The following EFCAB14 variants were observed in gnomAD, a reference collection of about 807,000 sequenced individuals.
EFCAB14 encodes the protein EF-hand calcium binding domain 14, also known as EF-hand calcium-binding domain-containing protein 14.
A neutral mutation model predicts 56.5 loss-of-function variants in EFCAB14; 43 were observed. That is an observed-to-expected ratio of 0.76 (90% CI 0.60 to 0.98). The LOEUF (loss-of-function observed/expected upper bound fraction) is 0.98. EFCAB14 is among the 50% of genes least tolerant of loss of function. The probability of loss-of-function intolerance (pLI) is 0.00; values close to 1 mark genes in which losing one functional copy is unlikely to be tolerated. For synonymous variants in EFCAB14, 235 were observed against 212.9 expected, an observed-to-expected ratio of 1.10 and a Z score of -0.90; for missense variants, 538 against 580.3, an observed-to-expected ratio of 0.93 and a Z score of 0.75.
intron 2 of EFCAB14, among the ~76,000 whole-genome samples, chr1:46,709,757 G>A (rs916567299): frequency 1.3e-5 from 2 of 152,206 alleles, no homozygotes; most frequent in East Asian, 1.9e-4. Flanking sequence ...GGAGGCTGAG[G>A]TGGGTGGATC....
At chr1:46,686,683 T>C in intron 8 of EFCAB14, 101 bp downstream of exon 8, 1 of 1,169,818 alleles carries the variant, frequency 8.5e-7, no homozygotes, top group Non-Finnish European at 1.2e-6. Flanking sequence ...TTTCAGCACA[T>C]GAGAACAAAA....
At chr1:46,710,060 G>A (rs1677286606) in intron 2 of EFCAB14, among the ~76,000 whole-genome samples, 1 of 152,172 alleles carries the variant, frequency 6.6e-6, no homozygotes, top group Non-Finnish European at 1.5e-5. Context: ...CCCACAAAAT[G>A]AGGAGTGATG....
chr1:46,698,006 T>C (rs1455848635), intron 3 of EFCAB14, among the ~76,000 whole-genome samples: 1 of 151,968 alleles, frequency 6.6e-6, no homozygotes, highest in Non-Finnish European at 1.5e-5. Context: ...TGCATGCCCC[T>C]ACACCTGGCA....
chr1:46,683,503 T>C (rs1453753298), intron 9 of EFCAB14, 78 bp from the exon 10 acceptor site: 17 of 1,443,592 alleles, frequency 1.2e-5, no homozygotes, highest in Admixed American at 1.1e-4. Context: ...GGTCACCTTT[T>C]AGGAAAATTG....
chr1:46,696,012 G>A (rs1327554138), intron 4 of EFCAB14, among the ~76,000 whole-genome samples: 2 of 151,948 alleles, frequency 1.3e-5, no homozygotes, highest in East Asian at 1.9e-4. Flanking sequence ...AATACTCCTA[G>A]CAGGAGCAGG....
chr1:46,709,813 C>A (rs552231235), intron 2 of EFCAB14, among the ~76,000 whole-genome samples: 4 of 152,184 alleles, frequency 2.6e-5, no homozygotes, highest in Admixed American at 2.0e-4. Context: ...CATGGCAAAA[C>A]CCTGTCTCTA....
intron 2 of EFCAB14, among the ~76,000 whole-genome samples, chr1:46,710,707 C>T (rs1677295664): frequency 6.6e-6 from 1 of 152,144 alleles, no homozygotes; most frequent in African/African-American, 2.4e-5. Context: ...GCTTGTGCCA[C>T]CACGCCCAGC....
At position 46,679,293 on chromosome 1, in the gene EFCAB14, C is replaced by T. The variant is rs144543029; in HGVS notation, c.1313-657G>A. On this transcript the variant is annotated intron_variant, in intron 10 of 10. Transcript: ENST00000371933. ...GGTCATGTAACTCTTAAGTGGAATA[C>T]AATACAAATTTCTTTTCTTTTTTTT... 4.2e-3 allele frequency among the ~76,000 whole-genome samples: 644 copies of T among 152,216 alleles called. 1 individual carries two copies. The highest frequency in any genetic ancestry group is 0.014 in the African/African-American group (586 of 41,534).
chr1:46,688,311 A>C (rs1358128504), intron 7 of EFCAB14, 42 bp downstream of exon 7: 1 of 1,585,338 alleles, frequency 6.3e-7, no homozygotes. Context: ...CCATGCACAG[A>C]CAAAACACAC....
At position 46,718,946 on chromosome 1, in the gene EFCAB14, C is replaced by G. The variant is rs1439706182; in HGVS notation, c.-859G>C. 2.0e-5 allele frequency: 3 copies of G among 153,066 alleles called. No individual in the cohort carries two copies. In the East Asian group the frequency reaches 5.8e-4, roughly 30 times the overall value. The allele number at this position is 153,066 out of a possible 1,614,324, so 9.5% of individuals were successfully genotyped here. On this transcript the variant is annotated 5_prime_UTR_variant, in exon 1 of 11. Transcript: ENST00000371933. The stretch of plus-strand genomic sequence containing the variant: ...TTTGAGGTCTCCGGCACGGGCAACT[C>G]TCGGCCACTCACACGCGCAGGCCCC...
intron 10 of EFCAB14, among the ~76,000 whole-genome samples, chr1:46,680,937 A>C (rs1676783057): frequency 6.6e-6 from 1 of 152,042 alleles, no homozygotes; most frequent in Non-Finnish European, 1.5e-5. Context: ...CAAGGGCCTC[A>C]TCACAAACAC....
At chr1:46,685,123 G>A (rs994350374) in intron 8 of EFCAB14, 12 of 152,450 alleles carry the variant, frequency 7.9e-5, no homozygotes, top group African/African-American at 2.9e-4. Context: ...TCTCCCTGGT[G>A]ATGAGTCAAC....
chr1:46,684,537 A>C lies in EFCAB14; in HGVS notation c.1140T>G (p.Leu380=). The C allele has an allele frequency of 6.2e-7, 1 of 1,614,088 alleles. No homozygotes were observed. The highest frequency in any genetic ancestry group is 8.5e-7 in the Non-Finnish European group (1 of 1,179,994). Residue 380 remains leucine (L), a synonymous_variant, in exon 9 of 11, where the codon CTT becomes CTG. Coordinates refer to ENST00000371933, the MANE Select transcript of EFCAB14 (RefSeq NM_014774.3). ...LREKLQLISA[L]TNKPESNRPP... is the part of the protein sequence containing the mutation. ...GCCTGTTGCTCTCAGGTTTGTTTGT[A>C]AGAGCACTGATCAGCTGGAGTTTCT... is the stretch of plus-strand genomic sequence containing the variant.
intron 10 of EFCAB14, among the ~76,000 whole-genome samples, chr1:46,680,861 T>C (rs7412469): frequency 0.26 from 39,023 of 152,178 alleles, 5,221 homozygotes; most frequent in East Asian, 0.35. Flanking sequence ...TCTTTTTTAT[T>C]TCAATGGCAA....
intron 1 of EFCAB14, 151 bp downstream of exon 1, chr1:46,717,752 C>A (rs1677420107): frequency 1.4e-6 from 1 of 710,934 alleles, no homozygotes; most frequent in South Asian, 2.0e-5. Context: ...TCTGAACTTA[C>A]CTTCTCCCTA....
chr1:46,687,386 C>T (rs1162357082), intron 7 of EFCAB14, among the ~76,000 whole-genome samples: 1 of 152,180 alleles, frequency 6.6e-6, no homozygotes, highest in Non-Finnish European at 1.5e-5. Context: ...ATCTTCACAG[C>T]TTTGTAGTAA....
Position 46,678,217 on chromosome 1 carries a change from G to A in EFCAB14, c.*244C>T. On this transcript the variant is annotated 3_prime_UTR_variant, in exon 11 of 11. Coordinates refer to ENST00000371933, the MANE Select transcript of EFCAB14 (RefSeq NM_014774.3). ...AAAAGAGGGCTTTAATTTTTTTTCT[G>A]GCAATTTTAAAATGTAAGATCTTAC... The A allele has an allele frequency of 3.0e-6, 1 of 336,294 alleles. No individual in the cohort carries two copies. Among genetic ancestry groups the A allele is most frequent in the Non-Finnish European group, 5.3e-6 (1 of 189,174 alleles). The allele number at this position is 336,294 out of a possible 1,614,324, so 20.8% of individuals were successfully genotyped here.
intron 9 of EFCAB14, chr1:46,684,193 G>A (rs1295652142): frequency 3.7e-6 from 1 of 266,702 alleles, no homozygotes; most frequent in Non-Finnish European, 7.0e-6. Flanking sequence ...AACTTTTAGG[G>A]CTGGCTTAAT....
chr1:46,683,968 A>T (rs1676837977), intron 9 of EFCAB14, among the ~76,000 whole-genome samples: 1 of 152,194 alleles, frequency 6.6e-6, no homozygotes, highest in South Asian at 2.1e-4. Flanking sequence ...GTCAAAGCTA[A>T]CACAGTCCAG....
Sources: allele counts gnomAD v4.1 joint callset (sites outside exome capture counted in the v4.1 genomes callset), GRCh38; gene constraint gnomAD v4.1.1; transcripts MANE v1.5; gene names NCBI Gene and HGNC (gene_info 2026-07-23, HGNC 2026-07-21).